Variants in TMTC3 observed in about 807,000 individuals in gnomAD.
TMTC3 encodes the protein transmembrane O-mannosyltransferase targeting cadherins 3.
TMTC3 carries 52 observed loss-of-function variants against 92.2 expected under a neutral mutation model. The observed-to-expected ratio is 0.56, with a 90% CI of 0.45 to 0.71. The LOEUF is 0.71. Among genes scored for constraint, TMTC3 ranks in the 30% least tolerant of loss-of-function variants. The probability of loss-of-function intolerance (pLI) is 0.00; values close to 1 mark genes in which losing one functional copy is unlikely to be tolerated. For missense variants in TMTC3, 896 were observed against 1,057.1 expected, an observed-to-expected ratio of 0.85 and a Z score of 2.11; for synonymous variants, 339 against 363.3, an observed-to-expected ratio of 0.93 and a Z score of 0.76.
rs1259312415 is a variant in TMTC3, at chr12:88,192,692, C to A, written c.1795C>A (p.Leu599Ile). 1 of 1,613,438 alleles carries A rather than the reference C, an allele frequency of 6.2e-7. No individual in the cohort carries two copies. The highest frequency in any genetic ancestry group is 8.5e-7 in the Non-Finnish European group (1 of 1,179,634). The part of the protein sequence containing the change: ...ALELDRNNAD[L>I]WYNLAIVHIE... ...AGAGCTGGACAGAAATAATGCAGATCTTTGGTACAACTTGGCAATTGTACA... is the reference window on the plus strand; with the variant it reads ...AGAGCTGGACAGAAATAATGCAGATATTTGGTACAACTTGGCAATTGTACA... The change falls in exon 13 of 14, where the codon CTT becomes ATT. Residue 599 changes from leucine to isoleucine, a missense_variant. Transcript: ENST00000266712.
intron 7 of TMTC3, among the ~76,000 whole-genome samples, chr12:88,170,937 A>G (rs1336853786): frequency 6.6e-6 from 1 of 152,206 alleles, no homozygotes; most frequent in Non-Finnish European, 1.5e-5. Flanking sequence ...TTTCATTTCA[A>G]TGTTCAGTGT....
intron 1 of TMTC3, among the ~76,000 whole-genome samples, chr12:88,144,306 A>G (rs1350428785): frequency 6.6e-6 from 1 of 152,204 alleles, no homozygotes; most frequent in East Asian, 1.9e-4. Context: ...GGTAGGAATG[A>G]AATTTAATAG....
intron 2 of TMTC3, 116 bp from the exon 3 acceptor site, chr12:88,153,175 G>GT: frequency 4.9e-6 from 3 of 607,438 alleles, no homozygotes; most frequent in Admixed American, 6.9e-5. Context: ...ATATTTTATT[G>GT]TTATTTCTCA....
chr12:88,147,818 T>G (rs78850032), intron 1 of TMTC3, among the ~76,000 whole-genome samples: 3,156 of 152,266 alleles, frequency 0.021, 132 homozygotes, highest in East Asian at 0.12. Context: ...ACCTTTTTTA[T>G]TTCCAGAAGC....
chr12:88,182,578 G>C (rs1002619392), intron 10 of TMTC3, among the ~76,000 whole-genome samples: 3 of 152,118 alleles, frequency 2.0e-5, no homozygotes, highest in Non-Finnish European at 2.9e-5. Flanking sequence ...TCAAGGAGAA[G>C]ACAATTGTAC....
At chr12:88,171,681 T>G (rs1160534469) in intron 7 of TMTC3, among the ~76,000 whole-genome samples, 1 of 152,166 alleles carries the variant, frequency 6.6e-6, no homozygotes, top group Non-Finnish European at 1.5e-5. Flanking sequence ...AGGTCAGATC[T>G]CTCTTCAACA....
At chr12:88,181,600 A>C (rs912930038) in intron 10 of TMTC3, among the ~76,000 whole-genome samples, 4 of 152,086 alleles carry the variant, frequency 2.6e-5, no homozygotes, top group African/African-American at 9.7e-5. Context: ...AAAATAGGAT[A>C]TGTACATTGA....
chr12:88,193,719 A>G (rs1462958069), intron 13 of TMTC3, among the ~76,000 whole-genome samples: 1 of 152,166 alleles, frequency 6.6e-6, no homozygotes, highest in Non-Finnish European at 1.5e-5. Flanking sequence ...CGTGCTGCCA[A>G]ATAAAAGAAT....
At chr12:88,163,072 C>G (rs1381958953) in intron 6 of TMTC3, among the ~76,000 whole-genome samples, 1 of 151,990 alleles carries the variant, frequency 6.6e-6, no homozygotes. Context: ...TGCGCCACCA[C>G]GCCCAGCTGA....
intron 4 of TMTC3, among the ~76,000 whole-genome samples, chr12:88,155,658 G>A (rs2040999521): frequency 6.6e-6 from 1 of 151,972 alleles, no homozygotes. Flanking sequence ...ATATTATCAG[G>A]CCTCAGCTTA....
At chr12:88,187,672 T>G (rs1049660218) in intron 10 of TMTC3, among the ~76,000 whole-genome samples, 1 of 152,204 alleles carries the variant, frequency 6.6e-6, no homozygotes, top group Non-Finnish European at 1.5e-5. Context: ...CCTAAAACAT[T>G]ATATAGCAAG....
rs1201329134 is a variant in TMTC3 at position 88,195,140 on chromosome 12, C to G, written c.2236C>G (p.Leu746Val). ...GGGCCTCATTTTAAAAGGAGACATTCTGATGAATCAAAAGAAAGATATACT... is the reference window on the plus strand; with the variant it reads ...GGGCCTCATTTTAAAAGGAGACATTGTGATGAATCAAAAGAAAGATATACT... Reference protein sequence around the residue: ...IKGLILKGDILMNQKKDILGA... With the variant: ...IKGLILKGDIVMNQKKDILGA... The change falls in exon 14 of 14, where the codon CTG becomes GTG. Residue 746 changes from leucine (L) to valine (V), a missense_variant. Leu to Val is a conservative substitution (Grantham distance 32). Transcript: ENST00000266712. 3 of 1,613,774 alleles carry G rather than the reference C, an allele frequency of 1.9e-6. No homozygotes were observed. In the South Asian group the frequency reaches 3.3e-5, roughly 18 times the overall value.
chr12:88,163,018 C>T (rs549895327), intron 6 of TMTC3, among the ~76,000 whole-genome samples: 16 of 151,496 alleles, frequency 1.1e-4, no homozygotes, highest in Non-Finnish European at 1.3e-4. Flanking sequence ...CAGGTTTAAA[C>T]GATTCTCCTG....
chr12:88,162,435 G>A (rs972387620), intron 6 of TMTC3, among the ~76,000 whole-genome samples: 13 of 152,062 alleles, frequency 8.5e-5, no homozygotes, highest in African/African-American at 3.1e-4. Flanking sequence ...TGTCAGTTAA[G>A]TATATTTAAG....
intron 11 of TMTC3, among the ~76,000 whole-genome samples, chr12:88,189,901 T>C (rs2041423646): frequency 6.6e-6 from 1 of 152,082 alleles, no homozygotes. Flanking sequence ...ATTTAACTGT[T>C]ACAGTTAAGG....
chr12:88,160,224 C>A lies in TMTC3; in HGVS notation c.619C>A (p.Gln207Lys). Residue 207 changes from glutamine (Q) to lysine (K), a missense_variant, in exon 5 of 14, where the codon CAG (glutamine) becomes AAG (lysine). Coordinates refer to ENST00000266712, the MANE Select transcript of TMTC3 (RefSeq NM_181783.4). The part of the protein sequence containing the change: ...ICCVYEVFIA[Q>K]GYTLPLLCTT... ...CTGTGTGTATGAAGTGTTTATTGCC[C>A]AGGGGGTAAGCCAAACTATAAATAT... is the stretch of plus-strand genomic sequence containing the variant. 1.3e-6 allele frequency: 2 copies of A among 1,527,096 alleles called. No homozygotes were observed. Among genetic ancestry groups the A allele is most frequent in the Non-Finnish European group, 1.8e-6 (2 of 1,141,426 alleles). The allele number at this position is 1,527,096 out of a possible 1,614,324, so 94.6% of individuals were successfully genotyped here. A position where few individuals can be genotyped will look rare whatever the true frequency, so the allele number is the denominator to read the frequency against.
At chr12:88,172,576 A>T in intron 7 of TMTC3, 21 bp from the exon 8 acceptor site, 1 of 1,286,992 alleles carries the variant, frequency 7.8e-7, no homozygotes, top group Non-Finnish European at 1.0e-6. Flanking sequence ...AAATTATTAA[A>T]TCTTCTTTTT....
At chr12:88,145,540 T>G (rs987876912) in intron 1 of TMTC3, among the ~76,000 whole-genome samples, 9 of 152,108 alleles carry the variant, frequency 5.9e-5, no homozygotes, top group Non-Finnish European at 1.2e-4. Flanking sequence ...CGAAAAGAAA[T>G]AAACACTGAA....
Position 88,176,232 on chromosome 12 carries a change from T to G in TMTC3, c.1345T>G (p.Trp449Gly), listed in dbSNP as rs1174882823. The change falls in exon 10 of 14, where the codon TGG (tryptophan) becomes GGG (glycine). Residue 449 changes from tryptophan (W) to glycine (G), a missense_variant. Transcript: ENST00000266712. ...GGTAAATAAAAATAATGCCAAACTT[T>G]GGAATAATGTGGGTCATGCTCTGGA... ...LKVNKNNAKL[W>G]NNVGHALENE... 6.2e-7 allele frequency: 1 copy of G among 1,609,774 alleles called. No individual in the cohort carries two copies. Among genetic ancestry groups the G allele is most frequent in the Non-Finnish European group, 8.5e-7 (1 of 1,178,232 alleles).
Sources: gnomAD v4.1 joint callset for allele counts (sites outside exome capture counted in the v4.1 genomes callset) on GRCh38, gnomAD v4.1.1 for gene constraint, MANE v1.5 for transcripts, NCBI Gene and HGNC (gene_info 2026-07-23, HGNC 2026-07-21) for gene names.